Variants in RBFOX1 observed in about 807,000 individuals in gnomAD.
RBFOX1 encodes RNA binding protein fox-1 homolog 1.
Under a neutral mutation model 57.7 loss-of-function variants are expected in RBFOX1, and 8 were observed. The observed-to-expected ratio is 0.14, with a 90% confidence interval of 0.08 to 0.25. RBFOX1 has a LOEUF of 0.25. Among genes scored for constraint, RBFOX1 ranks in the 10% least tolerant of loss-of-function variants. The pLI is 1.00. For synonymous variants in RBFOX1, 326 were observed against 222.4 expected, an observed-to-expected ratio of 1.47 and a Z score of -4.15; for missense variants, 611 against 548.5, an observed-to-expected ratio of 1.11 and a Z score of -1.14.
intron 4 of RBFOX1, among the ~76,000 whole-genome samples, chr16:7,302,580 G>T (rs1480498814): frequency 1.3e-5 from 2 of 151,028 alleles, no homozygotes; most frequent in African/African-American, 2.4e-5. Context: ...CTTTCAGGAA[G>T]CCCAACAATC....
intron 2 of RBFOX1, among the ~76,000 whole-genome samples, chr16:6,462,106 T>C (rs2094933853): frequency 6.6e-6 from 1 of 152,226 alleles, no homozygotes. Flanking sequence ...TCATCCTTTA[T>C]AAAATCCTTA....
chr16:6,891,304 C>A (rs1005149146), intron 3 of RBFOX1, among the ~76,000 whole-genome samples: 1 of 152,174 alleles, frequency 6.6e-6, no homozygotes, highest in Non-Finnish European at 1.5e-5. Flanking sequence ...GCAGTATTAT[C>A]TCTAAAGAGG....
intron 4 of RBFOX1, among the ~76,000 whole-genome samples, chr16:7,368,690 G>T (rs960838555): frequency 3.3e-5 from 5 of 151,686 alleles, no homozygotes; most frequent in African/African-American, 1.2e-4. Flanking sequence ...TGAGGCAGGA[G>T]CATGGCGTGA....
intron 9 of RBFOX1, among the ~76,000 whole-genome samples, chr16:7,607,080 G>C (rs1033891749): frequency 1.1e-4 from 17 of 152,136 alleles, no homozygotes; most frequent in African/African-American, 4.1e-4. Context: ...CCATTAACTT[G>C]CACTGGCAGA....
At position 6,911,109 on chromosome 16, in the gene RBFOX1, G is replaced by A. The variant is rs990873570; in HGVS notation, c.-15-140948G>A. 1.1e-4 allele frequency among the ~76,000 whole-genome samples: 16 copies of A among 151,520 alleles called. 1 individual carries two copies. Among genetic ancestry groups the A allele is most frequent in the African/African-American group, 3.2e-4 (13 of 41,124 alleles). ...CCAGCTACTCGGGAGGCTGAGGCAG[G>A]ACAATCGCTGGAACCTGGGAAGTGG... On this transcript the variant is annotated intron_variant, in intron 3 of 15. Transcript: ENST00000550418.
intron 4 of RBFOX1, among the ~76,000 whole-genome samples, chr16:7,397,229 G>T: frequency 6.6e-6 from 1 of 152,328 alleles, no homozygotes; most frequent in Middle Eastern, 3.4e-3. Context: ...ATTTCGAAGT[G>T]AAGACTTTAG....
chr16:6,594,785 T>A (rs1380442693), intron 2 of RBFOX1, among the ~76,000 whole-genome samples: 1 of 152,120 alleles, frequency 6.6e-6, no homozygotes, highest in Non-Finnish European at 1.5e-5. Flanking sequence ...TACACTTCAG[T>A]GTTTTTTGTT....
At chr16:6,177,179 C>T (rs1051037004) in intron 1 of RBFOX1, among the ~76,000 whole-genome samples, 14 of 145,208 alleles carry the variant, frequency 9.6e-5, no homozygotes, top group African/African-American at 3.3e-4. Flanking sequence ...AATCTCATTT[C>T]TTGTTTGTTT....
At chr16:5,364,301 G>T (rs1046006960) in intron 1 of RBFOX1, among the ~76,000 whole-genome samples, 2 of 152,172 alleles carry the variant, frequency 1.3e-5, no homozygotes, top group African/African-American at 4.8e-5. Context: ...CACAGAAGGC[G>T]CATAGAGTCC....
intron 4 of RBFOX1, among the ~76,000 whole-genome samples, chr16:7,506,455 A>C (rs1402788509): frequency 6.6e-6 from 1 of 152,120 alleles, no homozygotes; most frequent in Non-Finnish European, 1.5e-5. Context: ...AGGCAAAGCT[A>C]CTTTATTGAA....
intron 4 of RBFOX1, among the ~76,000 whole-genome samples, chr16:7,431,066 C>T (rs1166980946): frequency 6.6e-6 from 1 of 152,204 alleles, no homozygotes; most frequent in Non-Finnish European, 1.5e-5. Context: ...TACTAAGGCA[C>T]AGGCAGCACC....
At chr16:6,778,850 C>T (rs957377175) in intron 3 of RBFOX1, among the ~76,000 whole-genome samples, 2 of 150,804 alleles carry the variant, frequency 1.3e-5, no homozygotes, top group Admixed American at 6.7e-5. Flanking sequence ...AATACACATA[C>T]ACCACACACT....
At chr16:5,486,110 C>A (rs1045041087) in intron 2 of RBFOX1, among the ~76,000 whole-genome samples, 1 of 152,142 alleles carries the variant, frequency 6.6e-6, no homozygotes, top group African/African-American at 2.4e-5. Context: ...CTGCTTTATT[C>A]CAGTCATTCC....
At chr16:6,334,594 C>G (rs193123996) in intron 2 of RBFOX1, among the ~76,000 whole-genome samples, 1 of 151,916 alleles carries the variant, frequency 6.6e-6, no homozygotes, top group Admixed American at 6.6e-5. Flanking sequence ...GATTTAGGCA[C>G]TCTTCACATC....
intron 4 of RBFOX1, among the ~76,000 whole-genome samples, chr16:7,282,326 C>T (rs2095561734): frequency 6.6e-6 from 1 of 152,286 alleles, no homozygotes; most frequent in Admixed American, 6.5e-5. Flanking sequence ...TTGTTCACCC[C>T]CAACTCATTG....
At chr16:6,729,681 C>G (rs1399702884) in intron 3 of RBFOX1, among the ~76,000 whole-genome samples, 2 of 152,014 alleles carry the variant, frequency 1.3e-5, no homozygotes, top group Admixed American at 1.3e-4. Flanking sequence ...AATATATGAC[C>G]TCAGATTAGT....
intron 3 of RBFOX1, among the ~76,000 whole-genome samples, chr16:6,916,272 T>C (rs1319768867): frequency 6.6e-6 from 1 of 152,298 alleles, no homozygotes; most frequent in Admixed American, 6.5e-5. Context: ...ATGGAGTCAC[T>C]GTTGTTTCCA....
chr16:7,413,382 TA>T (rs1488720260), intron 4 of RBFOX1, among the ~76,000 whole-genome samples: 2 of 151,968 alleles, frequency 1.3e-5, no homozygotes, highest in African/African-American at 2.4e-5. Flanking sequence ...AATCACTTGT[TA>T]AAACCTAGAT....
intron 11 of RBFOX1, among the ~76,000 whole-genome samples, chr16:7,639,889 A>T (rs1186396299): frequency 6.6e-6 from 1 of 152,138 alleles, no homozygotes; most frequent in African/African-American, 2.4e-5. Flanking sequence ...CTATTTATGA[A>T]CAATAGTTGC....
Sources: allele counts gnomAD v4.1 joint callset (sites outside exome capture counted in the v4.1 genomes callset), GRCh38; gene constraint gnomAD v4.1.1; transcripts MANE v1.5; gene names NCBI Gene and HGNC (gene_info 2026-07-23, HGNC 2026-07-21).